Variants in XIRP2 observed in about 807,000 individuals in gnomAD.
XIRP2 encodes the protein xin actin binding repeat containing 2.
Under a neutral mutation model 277.0 loss-of-function variants are expected in XIRP2, and 236 were observed. That is an observed-to-expected ratio of 0.85 (90% confidence interval 0.77 to 0.95). The LOEUF (loss-of-function observed/expected upper bound fraction) is 0.95. XIRP2 is among the 40% of genes least tolerant of loss of function. XIRP2 has a pLI of 0.00. For missense variants in XIRP2, 4,640 were observed against 4,157.5 expected, an observed-to-expected ratio of 1.12 and a Z score of -3.19; for synonymous variants, 1,490 against 1,416.5, an observed-to-expected ratio of 1.05 and a Z score of -1.17.
At chr2:167,193,061 T>C (rs1164687332) in intron 3 of XIRP2, among the ~76,000 whole-genome samples, 1 of 152,134 alleles carries the variant, frequency 6.6e-6, no homozygotes, top group Non-Finnish European at 1.5e-5. Flanking sequence ...CCCTTCATCA[T>C]CCAGATCTGG....
At position 167,093,417 on chromosome 2, in the gene XIRP2, A is replaced by G. The variant is rs112843679; in HGVS notation, c.409-42492A>G. Among the ~76,000 whole-genome samples the G allele has an allele frequency of 4.7e-3, 716 of 152,108 alleles. 12 individuals are homozygous for G. The highest frequency in any genetic ancestry group is 0.017 in the African/African-American group (696 of 41,450). ...TGTGCCCTGGTGGTTTGCTGCACCC[A>G]TCAACCCTTCATCTACATTAGGTAT... On this transcript the variant is annotated intron_variant, in intron 2 of 10. Coordinates refer to ENST00000409195, the MANE Select transcript of XIRP2 (RefSeq NM_152381.6).
chr2:167,180,221 T>C (rs140406675), intron 3 of XIRP2, among the ~76,000 whole-genome samples: 7 of 152,296 alleles, frequency 4.6e-5, no homozygotes, highest in Non-Finnish European at 1.0e-4. Flanking sequence ...CCTTTGGTTT[T>C]GTCATCTCAG....
At chr2:167,211,806 T>C (rs1314002642) in intron 4 of XIRP2, among the ~76,000 whole-genome samples, 1 of 152,206 alleles carries the variant, frequency 6.6e-6, no homozygotes, top group Non-Finnish European at 1.5e-5. Flanking sequence ...AACTGCAGGA[T>C]TCAGTAAGAC....
intron 2 of XIRP2, among the ~76,000 whole-genome samples, chr2:167,011,220 G>A (rs1451110182): frequency 3.3e-5 from 5 of 151,224 alleles, no homozygotes; most frequent in Non-Finnish European, 7.4e-5. Context: ...GTCATAGATA[G>A]CTCTTATTAT....
chr2:167,154,532 A>G (rs1233241154), intron 3 of XIRP2, among the ~76,000 whole-genome samples: 1 of 151,772 alleles, frequency 6.6e-6, no homozygotes, highest in East Asian at 1.9e-4. Flanking sequence ...TAGGGTTTCT[A>G]TGGTTTTAGG....
At chr2:166,934,826 G>A (rs1455272316) in intron 2 of XIRP2, among the ~76,000 whole-genome samples, 1 of 151,576 alleles carries the variant, frequency 6.6e-6, no homozygotes, top group African/African-American at 2.4e-5. Flanking sequence ...GGCCAGCACG[G>A]AGAAGCACTG....
intron 3 of XIRP2, among the ~76,000 whole-genome samples, chr2:167,136,962 C>T (rs571808614): frequency 3.9e-5 from 6 of 152,192 alleles, no homozygotes; most frequent in Admixed American, 2.6e-4. Flanking sequence ...CGAATCAGCA[C>T]GTCAGCATCA....
chr2:167,231,307 C>G (rs1220678995), intron 5 of XIRP2, among the ~76,000 whole-genome samples: 1 of 151,986 alleles, frequency 6.6e-6, no homozygotes, highest in Non-Finnish European at 1.5e-5. Context: ...AACAGCAACT[C>G]TTTATGATAC....
intron 2 of XIRP2, among the ~76,000 whole-genome samples, chr2:167,055,411 G>A (rs1689016135): frequency 1.3e-5 from 2 of 152,048 alleles, no homozygotes; most frequent in Non-Finnish European, 2.9e-5. Flanking sequence ...TAATGAAGAA[G>A]GCAATTCCTT....
intron 3 of XIRP2, among the ~76,000 whole-genome samples, chr2:167,157,719 C>A (rs1337594573): frequency 1.3e-5 from 2 of 152,142 alleles, no homozygotes; most frequent in African/African-American, 4.8e-5. Flanking sequence ...TATGCACTTA[C>A]AAAGAAAACA....
intron 3 of XIRP2, among the ~76,000 whole-genome samples, chr2:167,176,272 C>G (rs1195014818): frequency 1.3e-5 from 2 of 152,078 alleles, no homozygotes; most frequent in African/African-American, 2.4e-5. Context: ...GTTCTTGACC[C>G]CTTACACTTC....
chr2:166,903,967 A>G, intron 2 of XIRP2, 77 bp downstream of exon 2: 8 of 1,493,708 alleles, frequency 5.4e-6, no homozygotes, highest in Middle Eastern at 1.9e-4. Flanking sequence ...CTAAGCATGT[A>G]ATCTTTCCCC....
At chr2:167,230,953 A>AC (rs1197102646) in intron 5 of XIRP2, among the ~76,000 whole-genome samples, 2 of 152,062 alleles carry the variant, frequency 1.3e-5, no homozygotes, top group African/African-American at 4.8e-5. Context: ...CAACAGTCCT[A>AC]CCACGCCAAT....
intron 2 of XIRP2, among the ~76,000 whole-genome samples, chr2:167,099,674 C>G (rs1437320147): frequency 6.6e-6 from 1 of 152,140 alleles, no homozygotes; most frequent in Non-Finnish European, 1.5e-5. Context: ...GTGGGTTGCA[C>G]AGACCGTGGG....
In XIRP2 at chr2:167,218,228, T is replaced by G. The variant is rs1482559435; in HGVS notation, c.786T>G (p.Phe262Leu). The G allele has an allele frequency of 1.2e-6, 2 of 1,609,034 alleles. No homozygotes were observed. Among genetic ancestry groups the G allele is most frequent in the Admixed American group, 3.4e-5 (2 of 58,866 alleles). ...GTTTGGCCAAGGTGAAGAAACAATT[T>G]GAGGACGAAATTACTTCTTCCCGTA... ...PGGLAKVKKQ[F>L]EDEITSSRNT... is the part of the protein sequence containing the mutation. Residue 262 changes from phenylalanine (F) to leucine (L), a missense_variant, in exon 5 of 11, where the codon TTT becomes TTG. Coordinates refer to ENST00000409195, the MANE Select transcript of XIRP2 (RefSeq NM_152381.6).
At position 167,243,475 on chromosome 2, in the gene XIRP2, A is replaced by C. The variant is rs1206577063; in HGVS notation, c.2083A>C (p.Met695Leu). The change falls in exon 9 of 11, where the codon ATG becomes CTG. Residue 695 changes from methionine to leucine, a missense_variant. Transcript: ENST00000409195. ...TGGDVKTVRYMFETQHLDQLG... is the reference protein window; with the variant it reads ...TGGDVKTVRYLFETQHLDQLG... ...GGGGGATGTCAAGACTGTGAGATAC[A>C]TGTTTGAAACTCAACATCTAGATCA... 6.2e-7 allele frequency: 1 copy of C among 1,614,136 alleles called. No individual in the cohort carries two copies. Among genetic ancestry groups the C allele is most frequent in the Non-Finnish European group, 8.5e-7 (1 of 1,179,988 alleles).
At chr2:167,082,029 C>T (rs527591118) in intron 2 of XIRP2, among the ~76,000 whole-genome samples, 1 of 151,736 alleles carries the variant, frequency 6.6e-6, no homozygotes, top group East Asian at 2.0e-4. Flanking sequence ...ATGTGCCATG[C>T]TGGTGCGCTG....
intron 2 of XIRP2, among the ~76,000 whole-genome samples, chr2:167,099,142 T>C (rs1690416179): frequency 6.6e-6 from 1 of 152,162 alleles, no homozygotes; most frequent in Non-Finnish European, 1.5e-5. Flanking sequence ...TCCAGGGAGA[T>C]GGGAGGTTTA....
chr2:167,205,886 T>G (rs1457633875), intron 3 of XIRP2, among the ~76,000 whole-genome samples: 1 of 152,198 alleles, frequency 6.6e-6, no homozygotes, highest in African/African-American at 2.4e-5. Flanking sequence ...GTATTATATT[T>G]TGAGGGCCTT....
Sources: gnomAD v4.1 joint callset for allele counts (sites outside exome capture counted in the v4.1 genomes callset) on GRCh38, gnomAD v4.1.1 for gene constraint, MANE v1.5 for transcripts, NCBI Gene and HGNC (gene_info 2026-07-23, HGNC 2026-07-21) for gene names.